The following TTC28 variants were observed in gnomAD, a reference collection of about 807,000 sequenced individuals.
TTC28 encodes the protein tetratricopeptide repeat protein 28.
In TTC28, 61 loss-of-function variants were observed where a neutral mutation model predicts 198.0. That is an observed-to-expected ratio of 0.31 (90% confidence interval 0.25 to 0.38). The LOEUF is 0.38. Ranked by LOEUF, TTC28 falls within the 10% of genes least tolerant of loss-of-function variation. The pLI is 1.00. For missense variants in TTC28, 2,678 were observed against 3,164.0 expected (o/e 0.85, Z 3.69); for synonymous variants, 1,171 against 1,297.8 (o/e 0.90, Z 2.10).
intron 2 of TTC28, among the ~76,000 whole-genome samples, chr22:28,333,590 C>A (rs1204597111): frequency 1.3e-5 from 2 of 152,118 alleles, no homozygotes; most frequent in Admixed American, 1.3e-4. Flanking sequence ...CAATTCTGAA[C>A]TGATCATTTT....
intron 2 of TTC28, among the ~76,000 whole-genome samples, chr22:28,576,631 G>A (rs1325057773): frequency 6.6e-6 from 1 of 152,022 alleles, no homozygotes; most frequent in East Asian, 1.9e-4. Context: ...TCCTTTGCAG[G>A]GAGACTTTTT....
At chr22:28,177,525 A>G (rs1601432256) in intron 5 of TTC28, among the ~76,000 whole-genome samples, 1 of 152,366 alleles carries the variant, frequency 6.6e-6, no homozygotes, top group East Asian at 1.9e-4. Context: ...AAATGAGTTG[A>G]ACACATGTCC....
chr22:28,318,497 T>C (rs2045388567), intron 2 of TTC28, among the ~76,000 whole-genome samples: 1 of 152,176 alleles, frequency 6.6e-6, no homozygotes, highest in Admixed American at 6.5e-5. Flanking sequence ...TTGACTTTTG[T>C]TCTCCTCCCT....
At chr22:28,029,061 G>A (rs763924735) in intron 13 of TTC28, 4 of 471,220 alleles carry the variant, frequency 8.5e-6, no homozygotes, top group South Asian at 6.2e-5. Flanking sequence ...GAAGTTGGCA[G>A]AGCAAGAACA....
intron 5 of TTC28, among the ~76,000 whole-genome samples, chr22:28,231,283 T>C (rs540802296): frequency 1.3e-5 from 2 of 152,346 alleles, no homozygotes; most frequent in African/African-American, 4.8e-5. Context: ...CTTTAATACA[T>C]GGACTGAATA....
At chr22:28,015,718 A>G (rs1938343386) in intron 13 of TTC28, among the ~76,000 whole-genome samples, 1 of 151,934 alleles carries the variant, frequency 6.6e-6, no homozygotes, top group African/African-American at 2.4e-5. Flanking sequence ...GAGACACCAC[A>G]CCCCACCATC....
chr22:28,423,527 T>C (rs530667502), intron 2 of TTC28, among the ~76,000 whole-genome samples: 1 of 152,364 alleles, frequency 6.6e-6, no homozygotes, highest in South Asian at 2.1e-4. Flanking sequence ...CAGCCCTCTA[T>C]AGTTCTATAA....
intron 5 of TTC28, among the ~76,000 whole-genome samples, chr22:28,273,655 G>C (rs1362237246): frequency 6.6e-6 from 1 of 152,142 alleles, no homozygotes; most frequent in African/African-American, 2.4e-5. Flanking sequence ...ACCTAGAATA[G>C]ACAGGAAGAA....
At chr22:28,172,606 G>A (rs536046615) in intron 5 of TTC28, among the ~76,000 whole-genome samples, 1 of 152,282 alleles carries the variant, frequency 6.6e-6, no homozygotes, top group Admixed American at 6.5e-5. Context: ...GGGAATATTT[G>A]GGCATTTCCC....
chr22:28,581,676 G>A (rs1015989868), intron 2 of TTC28, among the ~76,000 whole-genome samples: 1 of 152,114 alleles, frequency 6.6e-6, no homozygotes, highest in Admixed American at 6.5e-5. Context: ...CCCTCTTTGG[G>A]AGGCCAAGAT....
chr22:28,656,997 AT>A (rs1421364194), intron 1 of TTC28, among the ~76,000 whole-genome samples: 5 of 152,212 alleles, frequency 3.3e-5, no homozygotes, highest in African/African-American at 1.2e-4. Context: ...GTATTGCCTG[AT>A]ACTTTATTAT....
At chr22:28,444,050 C>T (rs1390226159) in intron 2 of TTC28, among the ~76,000 whole-genome samples, 2 of 152,244 alleles carry the variant, frequency 1.3e-5, no homozygotes, top group South Asian at 4.1e-4. Flanking sequence ...AATTTCATTA[C>T]TATAAAAAAT....
chr22:28,351,695 A>G (rs1211703998), intron 2 of TTC28, among the ~76,000 whole-genome samples: 1 of 152,226 alleles, frequency 6.6e-6, no homozygotes, highest in East Asian at 1.9e-4. Flanking sequence ...GAAGGCACTT[A>G]GTCTAAGTGA....
chr22:28,168,508 A>T, intron 5 of TTC28, among the ~76,000 whole-genome samples: 1 of 152,172 alleles, frequency 6.6e-6, no homozygotes, highest in Admixed American at 6.5e-5. Context: ...AGCCCTCAGA[A>T]ATAATGCCGC....
chr22:28,279,347 A>T (rs1329416022), intron 5 of TTC28, among the ~76,000 whole-genome samples: 1 of 152,174 alleles, frequency 6.6e-6, no homozygotes. Context: ...AAAATGCACA[A>T]ATTTTAAACA....
At chr22:28,161,665 AAAGAAAAGG>A (rs77596441) in intron 6 of TTC28, among the ~76,000 whole-genome samples, 1,941 of 151,612 alleles carry the variant, frequency 0.013, 12 homozygotes, top group Non-Finnish European at 0.02. Context: ...AGAAAGAAAG[AAAGAAAAGG>A]AAGAAAAGGA....
chr22:28,618,997 A>G (rs1368500919), intron 2 of TTC28, among the ~76,000 whole-genome samples: 1 of 152,164 alleles, frequency 6.6e-6, no homozygotes, highest in Non-Finnish European at 1.5e-5. Context: ...TCTGCAACAG[A>G]AATACCTGAA....
chr22:28,611,145 C>T (rs1169192621), intron 2 of TTC28, among the ~76,000 whole-genome samples: 1 of 152,190 alleles, frequency 6.6e-6, no homozygotes, highest in African/African-American at 2.4e-5. Flanking sequence ...TTGGAAAACA[C>T]TCTTCAGGAT....
chr22:28,318,501 C>T (rs1267799287), intron 2 of TTC28, among the ~76,000 whole-genome samples: 1 of 152,114 alleles, frequency 6.6e-6, no homozygotes, highest in Non-Finnish European at 1.5e-5. Flanking sequence ...CTTTTGTTCT[C>T]CTCCCTTGAG....
Sources: gnomAD v4.1 joint callset for allele counts (sites outside exome capture counted in the v4.1 genomes callset) on GRCh38, gnomAD v4.1.1 for gene constraint, MANE v1.5 for transcripts, NCBI Gene and HGNC (gene_info 2026-07-23, HGNC 2026-07-21) for gene names.